Variants in KIAA1755 observed in about 807,000 individuals in gnomAD.
KIAA1755 encodes the protein uncharacterized protein KIAA1755.
A neutral mutation model predicts 91.7 loss-of-function variants in KIAA1755; 68 were observed. The observed-to-expected ratio is 0.74, with a 90% confidence interval of 0.61 to 0.91. The LOEUF is 0.91. Among genes scored for constraint, KIAA1755 ranks in the 40% least tolerant of loss-of-function variants. The pLI is 0.00. For synonymous variants in KIAA1755, 610 were observed against 604.6 expected (o/e 1.01, Z -0.13); for missense variants, 1,535 against 1,494.4 (o/e 1.03, Z -0.45).
chr20:38,252,743 T>C (rs2076272760), intron 1 of KIAA1755, among the ~76,000 whole-genome samples: 1 of 152,170 alleles, frequency 6.6e-6, no homozygotes, highest in South Asian at 2.1e-4. Context: ...TGCCACACAC[T>C]GTTACCATTT....
At chr20:38,231,169 G>A (rs368611907) in intron 5 of KIAA1755, 33 bp downstream of exon 5, 286 of 1,596,794 alleles carry the variant, frequency 1.8e-4, no homozygotes, top group Non-Finnish European at 3.0e-5. Flanking sequence ...GTTGAGGTGG[G>A]GATGGAGCAG....
chr20:38,240,892 G>A lies in KIAA1755; in HGVS notation c.1239C>T (p.Leu413=). ...PLGNPENMVQ[L]RPGPRQASSP... ...AGGAGGCTTGTCTTGGTCCAGGCCT[G>A]AGCTGCACCATATTCTCTGGGTTTC... The change falls in exon 3 of 14, where the codon CTC becomes CTT. Residue 413 remains leucine, a synonymous_variant. Coordinates refer to ENST00000279024, the MANE Select transcript of KIAA1755 (RefSeq NM_001029864.2). 6.2e-7 allele frequency: 1 copy of A among 1,614,118 alleles called. No homozygotes were observed. Among genetic ancestry groups the A allele is most frequent in the Non-Finnish European group, 8.5e-7 (1 of 1,180,004 alleles).
intron 13 of KIAA1755, among the ~76,000 whole-genome samples, chr20:38,214,773 T>C (rs1370907763): frequency 6.6e-6 from 1 of 152,182 alleles, no homozygotes; most frequent in East Asian, 1.9e-4. Context: ...CCACAAAACG[T>C]CTGCAGACTG....
At position 38,241,456 on chromosome 20, in the gene KIAA1755, G is replaced by T. The variant is rs751476708; in HGVS notation, c.675C>A (p.Asn225Lys). The T allele has an allele frequency of 1.5e-5, 25 of 1,614,090 alleles. No individual in the cohort carries two copies. The highest frequency in any genetic ancestry group is 2.0e-5 in the Non-Finnish European group (24 of 1,180,036). Reference sequence around the variant, plus strand: ...CCAAACTCTGGGCAGGAAGCACCTGGTTGTCTGGGGAGCTGGCCTGGTGCA... The same window carrying T: ...CCAAACTCTGGGCAGGAAGCACCTGTTTGTCTGGGGAGCTGGCCTGGTGCA... The part of the protein sequence containing the change: ...QELHQASSPD[N>K]QVLPAQSLAK... The change falls in exon 3 of 14, where the codon AAC (asparagine) becomes AAA (lysine). Residue 225 changes from asparagine (N) to lysine (K), a missense_variant. Transcript: ENST00000279024.
intron 2 of KIAA1755, among the ~76,000 whole-genome samples, chr20:38,244,715 T>C (rs1178441632): frequency 2.0e-5 from 3 of 152,144 alleles, no homozygotes; most frequent in African/African-American, 7.2e-5. Context: ...TTGTTTTTTG[T>C]TTTTTGTTTT....
chr20:38,252,005 G>T (rs1320687903), intron 1 of KIAA1755, among the ~76,000 whole-genome samples: 2 of 152,154 alleles, frequency 1.3e-5, no homozygotes, highest in African/African-American at 2.4e-5. Context: ...ATACTCCAGA[G>T]AGAGGCCCCT....
intron 8 of KIAA1755, among the ~76,000 whole-genome samples, chr20:38,224,952 G>A (rs1419839073): frequency 1.3e-5 from 2 of 152,112 alleles, no homozygotes; most frequent in South Asian, 2.1e-4. Flanking sequence ...TTCCTGAGTT[G>A]TGTGGGTCCA....
At chr20:38,218,952 T>C (rs150730515) in intron 11 of KIAA1755, among the ~76,000 whole-genome samples, 1 of 152,276 alleles carries the variant, frequency 6.6e-6, no homozygotes, top group East Asian at 1.9e-4. Flanking sequence ...GAGTGGAAGT[T>C]CCTTTCTTAT....
Position 38,218,267 on chromosome 20 carries a change from C to T in KIAA1755, c.2656G>A (p.Glu886Lys). 6.2e-7 allele frequency: 1 copy of T among 1,614,238 alleles called. No homozygotes were observed. Among genetic ancestry groups the T allele is most frequent in the Non-Finnish European group, 8.5e-7 (1 of 1,180,048 alleles). ...ETVEKAHAEF[E>K]NFFLQAAAQY... ...ACTGCAGCCTGGAGGAAGAAGTTCT[C>T]AAATTCTGCGTGGGCTTTCTCCACT... The change falls in exon 12 of 14, where the codon GAG (glutamate) becomes AAG (lysine). Residue 886 changes from glutamate (E) to lysine (K), a missense_variant. By Grantham distance (56) the Glu-to-Lys change is moderately conservative. Transcript: ENST00000279024.
In KIAA1755 at chr20:38,213,070, G is replaced by A. The variant is rs2075475639; in HGVS notation, c.3575C>T (p.Pro1192Leu). Residue 1192 changes from proline (P) to leucine (L), a missense_variant, in exon 14 of 14, where the codon CCC (proline) becomes CTC (leucine). Transcript: ENST00000279024. The part of the protein sequence containing the change: ...TDSQTSLEDS[P>L]QTSPLASL ...GAGGGAGGCAAGGGGACTTGTCTGG[G>A]GTGAGTCCTCAAGGGATGTCTGTGA... is the stretch of plus-strand genomic sequence containing the variant. The A allele has an allele frequency of 1.7e-5, 27 of 1,562,346 alleles. No individual in the cohort carries two copies. The highest frequency in any genetic ancestry group is 2.3e-5 in the Non-Finnish European group (27 of 1,151,270).
intron 1 of KIAA1755, among the ~76,000 whole-genome samples, chr20:38,251,658 C>T (rs1038385040): frequency 3.3e-5 from 5 of 151,672 alleles, no homozygotes; most frequent in East Asian, 3.9e-4. Context: ...CTCCGCCTCC[C>T]GGGCTCAAGT....
intron 1 of KIAA1755, among the ~76,000 whole-genome samples, chr20:38,259,704 T>A (rs896139382): frequency 1.3e-5 from 2 of 151,842 alleles, no homozygotes; most frequent in Non-Finnish European, 2.9e-5. Flanking sequence ...CCCCTGTGAA[T>A]CTGCCTGGGG....
chr20:38,253,554 T>A (rs185660741), intron 1 of KIAA1755, among the ~76,000 whole-genome samples: 1 of 152,302 alleles, frequency 6.6e-6, no homozygotes, highest in African/African-American at 2.4e-5. Context: ...ATTGGAATTT[T>A]TTTTAAAGAA....
In KIAA1755 at chr20:38,231,238, A is replaced by G; in HGVS notation, c.1835T>C (p.Val612Ala). Residue 612 changes from valine to alanine, a missense_variant, in exon 5 of 14, where the codon GTC becomes GCC. Physicochemically the swap from Val to Ala is moderately conservative, Grantham distance 64 (BLOSUM62 0). Transcript: ENST00000279024. ...ACACAGGTAGGACAGTAGCTTGGTGACCTCTGAAACTGTGCACCATGGTGC... is the reference window on the plus strand; with the variant it reads ...ACACAGGTAGGACAGTAGCTTGGTGGCCTCTGAAACTGTGCACCATGGTGC... ...WEAPWCTVSE[V>A]TKLLSYLCTI... 2 of 1,613,462 alleles carry G rather than the reference A, an allele frequency of 1.2e-6. No individual in the cohort carries two copies. The highest frequency in any genetic ancestry group is 4.5e-5 in the East Asian group (2 of 44,844).
chr20:38,249,821 T>C (rs2076217021), intron 1 of KIAA1755, among the ~76,000 whole-genome samples: 1 of 150,830 alleles, frequency 6.6e-6, no homozygotes, highest in African/African-American at 2.4e-5. Flanking sequence ...CCAATCATGG[T>C]CAAACTCTGA....
chr20:38,213,578 A>T lies in KIAA1755; in HGVS notation c.3067T>A (p.Ser1023Thr). Residue 1023 changes from serine to threonine, a missense_variant, in exon 14 of 14, where the codon TCC (serine) becomes ACC (threonine). Ser to Thr is a moderately conservative substitution (Grantham distance 58). Transcript: ENST00000279024. ...TGGCCCAGGCCTGCCCGGCTCAGGG[A>T]GGCCACCTGCAGCCCCACGGCTGCG... ...KLAAVGLQVA[S>T]LSRAGLGQEL... The T allele has an allele frequency of 1.2e-6, 2 of 1,607,528 alleles. No homozygotes were observed. The highest frequency in any genetic ancestry group is 1.7e-6 in the Non-Finnish European group (2 of 1,176,584).
rs769880551 is a variant in KIAA1755, at chr20:38,241,847, AG to A, written c.283del (p.Leu95SerfsTer26). 5.6e-6 allele frequency: 9 copies of A among 1,614,118 alleles called. No homozygotes were observed. In the South Asian group the frequency reaches 9.9e-5, roughly 18 times the overall value. ...ACCCTGGCGCAATAAGAGAGGGTTG[AG>A]GGGTGCCAAGTGGACCACAACTTCA... ...RDEVVVHLAP[L>X]NPLLLRQGDF... is the part of the protein sequence containing the mutation. On this transcript the variant is annotated frameshift_variant, in exon 3 of 14. Transcript: ENST00000279024. LOFTEE classifies it high-confidence loss of function.
chr20:38,245,289 G>A (rs1388485776), intron 2 of KIAA1755, among the ~76,000 whole-genome samples: 1 of 152,218 alleles, frequency 6.6e-6, no homozygotes, highest in African/African-American at 2.4e-5. Flanking sequence ...CACTTAGCCT[G>A]GAAGAATAAT....
chr20:38,258,180 C>T (rs2076372534), intron 1 of KIAA1755, among the ~76,000 whole-genome samples: 1 of 152,122 alleles, frequency 6.6e-6, no homozygotes, highest in Non-Finnish European at 1.5e-5. Context: ...AGATTACAGG[C>T]GTGAGCCACT....
Sources: gnomAD v4.1 joint callset for allele counts (sites outside exome capture counted in the v4.1 genomes callset) on GRCh38, gnomAD v4.1.1 for gene constraint, MANE v1.5 for transcripts, NCBI Gene and HGNC (gene_info 2026-07-23, HGNC 2026-07-21) for gene names.